The following CEMIP2 variants were observed in gnomAD, a reference collection of about 807,000 sequenced individuals.
CEMIP2 encodes the protein cell surface hyaluronidase CEMIP2.
Under a neutral mutation model 146.9 loss-of-function variants are expected in CEMIP2, and 79 were observed. That is an observed-to-expected ratio of 0.54 (90% CI 0.45 to 0.65). The LOEUF is 0.65. Ranked by LOEUF, CEMIP2 falls within the 30% of genes least tolerant of loss-of-function variation. CEMIP2 has a pLI of 0.00. For synonymous variants in CEMIP2, 601 were observed against 606.3 expected (o/e 0.99, Z 0.13); for missense variants, 1,596 against 1,696.2 (o/e 0.94, Z 1.04).
chr9:71,744,118 T>C (rs62549287), intron 4 of CEMIP2, among the ~76,000 whole-genome samples: 10,104 of 152,284 alleles, frequency 0.066, 485 homozygotes, highest in South Asian at 0.19. Context: ...TTCATGCCTA[T>C]GAAGCCGATG....
At chr9:71,759,664 C>G (rs369032323) in intron 1 of CEMIP2, among the ~76,000 whole-genome samples, 12 of 152,208 alleles carry the variant, frequency 7.9e-5, no homozygotes, top group East Asian at 7.7e-4. Flanking sequence ...AAATTGACTT[C>G]TAGATAGTTC....
At chr9:71,692,918 C>A (rs200275965) in intron 21 of CEMIP2, among the ~76,000 whole-genome samples, 1 of 50,458 alleles carries the variant, frequency 2.0e-5, no homozygotes, top group African/African-American at 1.6e-4. Context: ...AACAAACAAA[C>A]AAACGACAAC....
chr9:71,701,875 A>G (rs1480543593), intron 18 of CEMIP2, among the ~76,000 whole-genome samples: 1 of 152,156 alleles, frequency 6.6e-6, no homozygotes, highest in Non-Finnish European at 1.5e-5. Context: ...CAATAAGTAC[A>G]TTCTCAATGT....
rs1188879508 is a variant in CEMIP2 at position 71,728,237 on chromosome 9, A to C, written c.2049+1608T>G. 9.5e-3 allele frequency among the ~76,000 whole-genome samples: 340 copies of C among 35,824 alleles called. 9 individuals are homozygous for C. Among genetic ancestry groups the C allele is most frequent in the Non-Finnish European group, 0.016 (222 of 14,280 alleles). 23.5% of individuals were successfully genotyped at this position (35,824 alleles called of 152,430 possible). A position where few individuals can be genotyped will look rare whatever the true frequency, so the allele number is the denominator to read the frequency against. On this transcript the variant is annotated intron_variant, in intron 10 of 23. Coordinates refer to ENST00000377044, the MANE Select transcript of CEMIP2 (RefSeq NM_013390.3). ...TCTCTCTCTCTCTCTCTCTCTATATATATATATATATATGTATATACACGT... is the reference window on the plus strand; with the variant it reads ...TCTCTCTCTCTCTCTCTCTCTATATCTATATATATATATGTATATACACGT...
intron 23 of CEMIP2, 38 bp downstream of exon 23, chr9:71,685,705 G>T: frequency 6.6e-7 from 1 of 1,525,510 alleles, no homozygotes; most frequent in Non-Finnish European, 9.1e-7. Context: ...TATGTTGCTG[G>T]CCCTGTAAGA....
At chr9:71,723,066 C>G (rs749080941) in intron 11 of CEMIP2, among the ~76,000 whole-genome samples, 4 of 135,800 alleles carry the variant, frequency 2.9e-5, no homozygotes, top group Non-Finnish European at 6.2e-5. Flanking sequence ...GCTGAAGAGC[C>G]AGAGAAAATA....
At position 71,704,683 on chromosome 9, in the gene CEMIP2, G is replaced by C. The variant is rs776478152; in HGVS notation, c.3106C>G (p.Pro1036Ala). 3 of 1,614,022 alleles carry C rather than the reference G, an allele frequency of 1.9e-6. No homozygotes were observed. The Admixed American group carries it at 5.0e-5, about 27-fold the overall frequency. ...TAACCCTTCTCCAGCATGACGACAG[G>C]CTGGTACTGTGGAAAGGCAGCCTTC... ...NQKAAFPQYQ[P>A]VVMLEKGYTI... Residue 1036 changes from proline to alanine, a missense_variant, in exon 18 of 24, where the codon CCT (proline) becomes GCT (alanine). By Grantham distance (27) the Pro-to-Ala change is conservative (BLOSUM62 -1). Transcript: ENST00000377044.
chr9:71,732,410 A>G lies in CEMIP2; in HGVS notation c.1504T>C (p.Cys502Arg), dbSNP rs1564015448. 7 of 1,614,000 alleles carry G rather than the reference A, an allele frequency of 4.3e-6. No individual in the cohort carries two copies. Among genetic ancestry groups the G allele is most frequent in the Non-Finnish European group, 5.1e-6 (6 of 1,180,018 alleles). Residue 502 changes from cysteine (C) to arginine (R), a missense_variant, in exon 7 of 24, where the codon TGC becomes CGC. Physicochemically the swap from Cys to Arg is radical, Grantham distance 180 (BLOSUM62 -3). Transcript: ENST00000377044. The part of the protein sequence containing the change: ...IVIQGEVEDS[C>R]YAENQCQFFD... The stretch of plus-strand genomic sequence containing the variant: ...AATTGGCACTGATTTTCTGCGTAGC[A>G]TGAGTCCTCCACTTCTCCTTGGATC...
rs7031344 is a variant in CEMIP2 at position 71,684,526 on chromosome 9, A to C, written c.*671T>G. ...TTTGCTGCAGGAAAATTTTTTGCCC[A>C]ATGGTCACAGATTAAAGGGATATCT... On this transcript the variant is annotated 3_prime_UTR_variant, in exon 24 of 24. Transcript: ENST00000377044. The C allele has an allele frequency of 0.052, 7,880 of 152,680 alleles. 367 individuals are homozygous for C. The highest frequency in any genetic ancestry group is 0.12 in the African/African-American group (4,790 of 41,528). The allele number at this position is 152,680 out of a possible 1,614,324, so 9.5% of individuals were successfully genotyped here.
intron 21 of CEMIP2, among the ~76,000 whole-genome samples, chr9:71,692,297 ATTTTTT>A (rs10683724): frequency 3.5e-3 from 279 of 78,892 alleles, no homozygotes; most frequent in Admixed American, 5.2e-3. Flanking sequence ...CCTGCCTGAT[ATTTTTT>A]TTTTTTTTTT....
intron 12 of CEMIP2, among the ~76,000 whole-genome samples, chr9:71,719,469 T>A (rs1823167484): frequency 6.6e-6 from 1 of 152,144 alleles, no homozygotes; most frequent in Non-Finnish European, 1.5e-5. Context: ...AAGCATGGAA[T>A]CAAGGAAGGG....
intron 17 of CEMIP2, among the ~76,000 whole-genome samples, chr9:71,705,400 T>C (rs1266097795): frequency 6.6e-6 from 1 of 152,042 alleles, no homozygotes; most frequent in African/African-American, 2.4e-5. Flanking sequence ...CTACTTGCCA[T>C]GCCAAAACAA....
At position 71,730,932 on chromosome 9, in the gene CEMIP2, A is replaced by G; in HGVS notation, c.1564-18T>C. 1 of 1,605,498 alleles carries G rather than the reference A, an allele frequency of 6.2e-7. No individual in the cohort carries two copies. The highest frequency in any genetic ancestry group is 8.5e-7 in the Non-Finnish European group (1 of 1,172,204). On this transcript the variant is annotated intron_variant, in intron 7 of 23. Coordinates refer to ENST00000377044, the MANE Select transcript of CEMIP2 (RefSeq NM_013390.3). ...TTCATTATCTGTAAGTCAAGGTACT[A>G]AAATCAAACTCATACTTTTCAGAAT...
In CEMIP2 at chr9:71,686,763, A is replaced by T. The variant is rs1822073275; in HGVS notation, c.3852-917T>A. ...GGGCACTTAGGGTATCCATCACCCA[A>T]ATAATGTACACTGTGCCTATTCAGT... is the stretch of plus-strand genomic sequence containing the variant. On this transcript the variant is annotated intron_variant, in intron 22 of 23. Coordinates refer to ENST00000377044, the MANE Select transcript of CEMIP2 (RefSeq NM_013390.3). 2.6e-5 allele frequency: 4 copies of T among 152,190 alleles called. No homozygotes were observed. The South Asian group carries it at 8.3e-4, about 32-fold the overall frequency. 9.4% of individuals were successfully genotyped at this position (152,190 alleles called of 1,614,324 possible).
chr9:71,745,392 C>T lies in CEMIP2; in HGVS notation c.660G>A (p.Lys220=), dbSNP rs917507446. 17 of 1,614,014 alleles carry T rather than the reference C, an allele frequency of 1.1e-5. No homozygotes were observed. The highest frequency in any genetic ancestry group is 3.3e-5 in the Admixed American group (2 of 60,002). ...TCCCGCCAGCTTCCACACCAATAAA[C>T]TTTTTGCCAAATGTTGGCATACTTT... ...EGESMPTFGK[K]FIGVEAGGTL... is the part of the protein sequence containing the mutation. The change falls in exon 4 of 24, where the codon AAG becomes AAA. Residue 220 remains lysine, a synonymous_variant. Coordinates refer to ENST00000377044, the MANE Select transcript of CEMIP2 (RefSeq NM_013390.3).
At chr9:71,698,730 C>T (rs188093825) in intron 19 of CEMIP2, among the ~76,000 whole-genome samples, 38 of 152,296 alleles carry the variant, frequency 2.5e-4, no homozygotes, top group African/African-American at 5.8e-4. Flanking sequence ...TGGGTTCCTT[C>T]GGTCTATATT....
At chr9:71,702,445 G>T (rs114120463) in intron 18 of CEMIP2, among the ~76,000 whole-genome samples, 1,515 of 150,262 alleles carry the variant, frequency 0.01, 17 homozygotes, top group African/African-American at 0.035. Flanking sequence ...GGTAAGGGGG[G>T]TAGTTAAAAA....
chr9:71,739,361 C>CAAAAAAA (rs71353516), intron 5 of CEMIP2, among the ~76,000 whole-genome samples: 6 of 42,818 alleles, frequency 1.4e-4, no homozygotes, highest in African/African-American at 6.6e-4. Flanking sequence ...GACTCTGTCT[C>CAAAAAAA]AAAAAAAAAA....
intron 21 of CEMIP2, among the ~76,000 whole-genome samples, chr9:71,694,086 TTC>T (rs1290094298): frequency 3.3e-5 from 5 of 150,198 alleles, no homozygotes; most frequent in Admixed American, 6.7e-5. Flanking sequence ...AGAAATAAAT[TTC>T]TGTTGTTTAT....
Sources: allele counts gnomAD v4.1 joint callset (sites outside exome capture counted in the v4.1 genomes callset), GRCh38; gene constraint gnomAD v4.1.1; transcripts MANE v1.5; gene names NCBI Gene and HGNC (gene_info 2026-07-23, HGNC 2026-07-21).